Variants in SNRNP70 observed in about 807,000 individuals in gnomAD.
SNRNP70 encodes the protein U1 small nuclear ribonucleoprotein 70 kDa.
In SNRNP70, 8 loss-of-function variants were observed where a neutral mutation model predicts 50.5. That is an observed-to-expected ratio of 0.16 (90% CI 0.09 to 0.29). The LOEUF (loss-of-function observed/expected upper bound fraction) is 0.29, where lower values mean the gene tolerates loss of function less well. Ranked by LOEUF, SNRNP70 falls within the 10% of genes least tolerant of loss-of-function variation. The pLI is 1.00. For missense variants in SNRNP70, 529 were observed against 663.5 expected (o/e 0.80, Z 2.23); for synonymous variants, 320 against 252.9 (o/e 1.27, Z -2.52).
chr19:49,105,028 A>G (rs2040647952), intron 8 of SNRNP70, among the ~76,000 whole-genome samples: 1 of 151,924 alleles, frequency 6.6e-6, no homozygotes, highest in Admixed American at 6.5e-5. Flanking sequence ...TACTCCTCTT[A>G]GTGGAAATAA....
intron 8 of SNRNP70, among the ~76,000 whole-genome samples, chr19:49,106,291 C>T (rs1239367050): frequency 6.6e-6 from 1 of 152,216 alleles, no homozygotes; most frequent in African/African-American, 2.4e-5. Context: ...GTTCAATTGC[C>T]ATTCAAACTT....
At chr19:49,098,803 A>C in intron 6 of SNRNP70, 99 bp downstream of exon 6, 1 of 953,296 alleles carries the variant, frequency 1.0e-6, no homozygotes, top group Non-Finnish European at 1.7e-6. Context: ...AGCATGGCTC[A>C]CACCATTTCA....
At chr19:49,090,584 A>G (rs1207002560) in intron 4 of SNRNP70, 64 bp downstream of exon 4, 1 of 1,503,580 alleles carries the variant, frequency 6.7e-7, no homozygotes, top group Non-Finnish European at 9.3e-7. Flanking sequence ...TTCCCAGGTC[A>G]TACCCAGGAC....
chr19:49,091,706 T>G (rs183577504), intron 4 of SNRNP70, among the ~76,000 whole-genome samples: 22 of 152,304 alleles, frequency 1.4e-4, no homozygotes, highest in African/African-American at 5.3e-4. Flanking sequence ...CAGGATTTCC[T>G]CACGGTGCTT....
intron 6 of SNRNP70, among the ~76,000 whole-genome samples, chr19:49,099,701 T>C (rs1217045583): frequency 6.7e-6 from 1 of 148,906 alleles, no homozygotes; most frequent in Non-Finnish European, 1.5e-5. Context: ...ATCACACCAC[T>C]GTACTCCAGC....
intron 6 of SNRNP70, among the ~76,000 whole-genome samples, chr19:49,100,563 T>C (rs919986604): frequency 1.3e-5 from 2 of 152,064 alleles, no homozygotes; most frequent in African/African-American, 4.8e-5. Flanking sequence ...TCCCAGCACT[T>C]TGGGAGGCCG....
At chr19:49,090,218 T>C (rs2040431176) in intron 2 of SNRNP70, 73 bp from the exon 3 acceptor site, 1 of 1,362,142 alleles carries the variant, frequency 7.3e-7, no homozygotes, top group Non-Finnish European at 1.0e-6. Flanking sequence ...TTAACCTGTT[T>C]ATTTCCTTGG....
At chr19:49,093,536 C>A (rs1185979372) in intron 4 of SNRNP70, among the ~76,000 whole-genome samples, 1 of 150,694 alleles carries the variant, frequency 6.6e-6, no homozygotes, top group Non-Finnish European at 1.5e-5. Flanking sequence ...AAAATTAGCC[C>A]GGCGTGGTGA....
At position 49,108,291 on chromosome 19, in the gene SNRNP70, G is replaced by A; in HGVS notation, c.1162G>A (p.Gly388Ser). The change falls in exon 10 of 10, where the codon GGC (glycine) becomes AGC (serine). Residue 388 changes from glycine (G) to serine (S), a missense_variant. Gly to Ser is a moderately conservative substitution (Grantham distance 56, BLOSUM62 0). Transcript: ENST00000598441. ...HKRGERGSERGRDEARGGGGG... is the reference protein window; with the variant it reads ...HKRGERGSERSRDEARGGGGG... ...ACGGGGGGAGCGGGGCAGTGAGCGG[G>A]GCAGGGATGAGGCCCGAGGTGGGGG... 6.3e-7 allele frequency: 1 copy of A among 1,575,466 alleles called. No individual in the cohort carries two copies. Among genetic ancestry groups the A allele is most frequent in the Non-Finnish European group, 8.6e-7 (1 of 1,161,874 alleles).
chr19:49,098,768 G>C, intron 6 of SNRNP70, 64 bp downstream of exon 6: 3 of 1,351,168 alleles, frequency 2.2e-6, no homozygotes, highest in Non-Finnish European at 3.2e-6. Flanking sequence ...TATCCTGAGA[G>C]GGAGGGAGAG....
Position 49,107,796 on chromosome 19 carries a change from C to T in SNRNP70, c.667C>T (p.Pro223Ser). The T allele has an allele frequency of 6.2e-7, 1 of 1,606,110 alleles. No homozygotes were observed. Among genetic ancestry groups the T allele is most frequent in the Non-Finnish European group, 8.5e-7 (1 of 1,176,830 alleles). Residue 223 changes from proline (P) to serine (S), a missense_variant and splice_region_variant, in exon 10 of 10, where the codon CCC becomes TCC. By Grantham distance (74) the Pro-to-Ser change is moderately conservative. Coordinates refer to ENST00000598441, the MANE Select transcript of SNRNP70 (RefSeq NM_003089.6). This position sits in a 1 kb window ranked among gnomAD's most constrained non-coding sequence, Gnocchi z 6.0. ...RDDTSRYDERPGPSPLPHRDR... is the reference protein window; with the variant it reads ...RDDTSRYDERSGPSPLPHRDR... ...CACAGGTCTGCCCACCTCATCCAGGCCCGGCCCCTCCCCGCTTCCGCACAG... is the reference window on the plus strand; with the variant it reads ...CACAGGTCTGCCCACCTCATCCAGGTCCGGCCCCTCCCCGCTTCCGCACAG...
intron 4 of SNRNP70, among the ~76,000 whole-genome samples, chr19:49,097,019 G>T (rs906590593): frequency 1.3e-5 from 2 of 151,546 alleles, no homozygotes; most frequent in Non-Finnish European, 2.9e-5. Context: ...AATCCCAGCT[G>T]CTTGAGAAGC....
rs993167582 is a variant in SNRNP70, at chr19:49,086,346, C to G, written c.-10-59C>G. The G allele has an allele frequency of 2.6e-6, 4 of 1,515,062 alleles. No individual in the cohort carries two copies. The African/African-American group carries it at 5.6e-5, about 21-fold the overall frequency. The allele number at this position is 1,515,062 out of a possible 1,614,324, so 93.9% of individuals were successfully genotyped here. A position where few individuals can be genotyped will look rare whatever the true frequency, so the allele number is the denominator to read the frequency against. On this transcript the variant is annotated intron_variant, in intron 1 of 9. Transcript: ENST00000598441. ...TCTTATTTTGAGAGTCAAGGAGTAA[C>G]AGGGGCTTTCTCTGTGCAGACCCGA...
intron 2 of SNRNP70, among the ~76,000 whole-genome samples, chr19:49,088,528 G>A (rs1292124831): frequency 2.3e-5 from 3 of 128,250 alleles, no homozygotes; most frequent in Non-Finnish European, 4.8e-5. Flanking sequence ...ATGGAGTATC[G>A]CTCTGTTGCC....
At position 49,086,472 on chromosome 19, in the gene SNRNP70, C is replaced by T; in HGVS notation, c.58C>T (p.Pro20Ser). 6.2e-7 allele frequency: 1 copy of T among 1,614,162 alleles called. No homozygotes were observed. Residue 20 changes from proline to serine, a missense_variant, in exon 2 of 10, where the codon CCA becomes TCA. Around this residue, in one of 4 missense-constraint regions of SNRNP70, gnomAD observed 149 missense variants for 259.7 expected, o/e 0.57. Transcript: ENST00000598441. ...CCTCTTTGCCCCCCGTGACCCTATTCCATACCTGCCACCCCTGGAGAAACT... is the reference window on the plus strand; with the variant it reads ...CCTCTTTGCCCCCCGTGACCCTATTTCATACCTGCCACCCCTGGAGAAACT... ...LALFAPRDPI[P>S]YLPPLEKLPH...
intron 7 of SNRNP70, chr19:49,103,291 C>T (rs1434832773): frequency 6.6e-6 from 1 of 152,150 alleles, no homozygotes; most frequent in Non-Finnish European, 1.5e-5. Context: ...CACTCTAAGG[C>T]CTCCTTGAGA....
At chr19:49,090,792 C>G (rs1414284811) in intron 4 of SNRNP70, among the ~76,000 whole-genome samples, 1 of 152,202 alleles carries the variant, frequency 6.6e-6, no homozygotes, top group Non-Finnish European at 1.5e-5. Context: ...TCCCACAACC[C>G]AGCTGGGTGT....
chr19:49,097,936 C>T (rs1283076274), intron 4 of SNRNP70, among the ~76,000 whole-genome samples: 2 of 152,324 alleles, frequency 1.3e-5, no homozygotes, highest in African/African-American at 4.8e-5. Context: ...CATTCTTAGC[C>T]TTGGGGCAGC....
chr19:49,096,761 A>G (rs1195096979), intron 4 of SNRNP70, among the ~76,000 whole-genome samples: 2 of 151,714 alleles, frequency 1.3e-5, no homozygotes, highest in East Asian at 2.0e-4. Flanking sequence ...CAAGAGTGAC[A>G]CTCCATCTCA....
Sources: allele counts gnomAD v4.1 joint callset (sites outside exome capture counted in the v4.1 genomes callset), GRCh38; gene constraint gnomAD v4.1.1; regional missense constraint gnomAD v4.1.1; non-coding constraint Gnocchi (gnomAD v3.1); transcripts MANE v1.5; gene names NCBI Gene and HGNC (gene_info 2026-07-23, HGNC 2026-07-21).